The following THSD7B variants were observed in gnomAD, a reference collection of about 807,000 sequenced individuals.
The protein encoded by THSD7B is thrombospondin type 1 domain containing 7B, also known as thrombospondin type-1 domain-containing protein 7B.
THSD7B carries 138 observed loss-of-function variants against 213.6 expected under a neutral mutation model. That is an observed-to-expected ratio of 0.65 (90% CI 0.56 to 0.74). The LOEUF (loss-of-function observed/expected upper bound fraction) is 0.74, where lower values mean the gene tolerates loss of function less well. Among genes scored for constraint, THSD7B ranks in the 30% least tolerant of loss-of-function variants. THSD7B has a pLI of 0.00. For missense variants in THSD7B, 1,931 were observed against 1,991.5 expected (o/e 0.97, Z 0.58); for synonymous variants, 742 against 687.0 (o/e 1.08, Z -1.25).
chr2:136,772,671 C>T (rs1162289839), intron 1 of THSD7B, among the ~76,000 whole-genome samples: 1 of 152,026 alleles, frequency 6.6e-6, no homozygotes, highest in African/African-American at 2.4e-5. Flanking sequence ...CTGGGTCACT[C>T]TTGTGATTTG....
At chr2:137,030,508 C>T (rs1417929335) in intron 2 of THSD7B, among the ~76,000 whole-genome samples, 1 of 152,070 alleles carries the variant, frequency 6.6e-6, no homozygotes, top group Non-Finnish European at 1.5e-5. Flanking sequence ...TGCCAGGTAC[C>T]AGCTGCCCAC....
At chr2:136,776,608 C>T (rs1029080755) in intron 1 of THSD7B, among the ~76,000 whole-genome samples, 17 of 152,092 alleles carry the variant, frequency 1.1e-4, no homozygotes, top group African/African-American at 4.1e-4. Flanking sequence ...TACACAGGGA[C>T]AGAATTATCC....
At chr2:137,218,232 T>C (rs7570464) in intron 7 of THSD7B, among the ~76,000 whole-genome samples, 90,622 of 151,824 alleles carry the variant, frequency 0.6, 27,462 homozygotes, top group South Asian at 0.71. Context: ...TTCAAATGTC[T>C]GTATTCTTCA....
chr2:137,672,124 G>A (rs959573128), intron 27 of THSD7B, among the ~76,000 whole-genome samples: 7 of 151,928 alleles, frequency 4.6e-5, no homozygotes, highest in African/African-American at 1.7e-4. Flanking sequence ...AAATGTATTA[G>A]TATAAACTAA....
In THSD7B at chr2:137,170,954, C is replaced by T. The variant is rs766516036; in HGVS notation, c.1723+16C>T. On this transcript the variant is annotated intron_variant, in intron 7 of 27. Coordinates refer to ENST00000409968, the MANE Select transcript of THSD7B (RefSeq NM_001316349.2). ...AATGACCGCGGTATGACCCAGTGAC[C>T]CACTAGAGGTGTTAGGATGTTAAGT... The T allele has an allele frequency of 1.9e-6, 3 of 1,611,058 alleles. No individual in the cohort carries two copies. The highest frequency in any genetic ancestry group is 2.5e-6 in the Non-Finnish European group (3 of 1,179,262).
intron 2 of THSD7B, among the ~76,000 whole-genome samples, chr2:136,966,848 A>G (rs1006435677): frequency 6.6e-6 from 1 of 152,166 alleles, no homozygotes; most frequent in African/African-American, 2.4e-5. Context: ...ACATGTTCCA[A>G]GATATAGCTC....
At chr2:136,897,950 G>A (rs1379381295) in intron 2 of THSD7B, among the ~76,000 whole-genome samples, 2 of 150,670 alleles carry the variant, frequency 1.3e-5, no homozygotes, top group African/African-American at 2.4e-5. Flanking sequence ...GAGCGCTTGC[G>A]TTTTTACAGA....
intron 2 of THSD7B, among the ~76,000 whole-genome samples, chr2:136,915,927 T>C (rs1285086853): frequency 6.6e-6 from 1 of 152,242 alleles, no homozygotes; most frequent in East Asian, 1.9e-4. Context: ...TTATGTTAAG[T>C]GCCTATACTT....
chr2:137,330,410 G>A (rs1282662366), intron 12 of THSD7B, among the ~76,000 whole-genome samples: 1 of 152,194 alleles, frequency 6.6e-6, no homozygotes, highest in East Asian at 1.9e-4. Context: ...TAATTGGTGG[G>A]TTCTTGGTCT....
chr2:137,304,490 A>T (rs1218825271), intron 12 of THSD7B, among the ~76,000 whole-genome samples: 1 of 152,128 alleles, frequency 6.6e-6, no homozygotes, highest in Non-Finnish European at 1.5e-5. Context: ...TTGAAAGCCA[A>T]ATTTCTATTA....
chr2:136,819,601 G>C (rs569998543), intron 1 of THSD7B, among the ~76,000 whole-genome samples: 1 of 152,252 alleles, frequency 6.6e-6, no homozygotes, highest in East Asian at 1.9e-4. Flanking sequence ...CATGAAACAT[G>C]GGACTTGGGA....
intron 26 of THSD7B, among the ~76,000 whole-genome samples, chr2:137,663,825 AC>A (rs748537086): frequency 6.6e-6 from 1 of 152,188 alleles, no homozygotes. Context: ...GGGTTAAGTA[AC>A]AAAAATAATA....
At chr2:137,661,183 G>C (rs983612525) in intron 25 of THSD7B, among the ~76,000 whole-genome samples, 8 of 152,062 alleles carry the variant, frequency 5.3e-5, no homozygotes, top group African/African-American at 1.9e-4. Context: ...TGGAGGAAGA[G>C]CAGTTATTTT....
At position 137,586,265 on chromosome 2, in the gene THSD7B, C is replaced by T. The variant is rs1436228617; in HGVS notation, c.3423+13709C>T. Among the ~76,000 whole-genome samples, 7 of 152,282 alleles carry T rather than the reference C, an allele frequency of 4.6e-5. No homozygotes were observed. In the East Asian group the frequency reaches 1.2e-3, roughly 25 times the overall value. The stretch of plus-strand genomic sequence containing the variant: ...AGATGGGTCTCCTGAATACAGCACA[C>T]TGATGGGTCTTGACACTTTATCCAA... On this transcript the variant is annotated intron_variant, in intron 17 of 27. Transcript: ENST00000409968.
intron 12 of THSD7B, among the ~76,000 whole-genome samples, chr2:137,362,465 C>G (rs1395123125): frequency 1.3e-5 from 2 of 152,106 alleles, no homozygotes; most frequent in African/African-American, 4.8e-5. Flanking sequence ...CAAGACCCAT[C>G]AGTGCGTTGT....
chr2:137,291,797 G>C (rs142216526), intron 12 of THSD7B, among the ~76,000 whole-genome samples: 15 of 152,158 alleles, frequency 9.9e-5, no homozygotes, highest in African/African-American at 3.6e-4. Flanking sequence ...ATTCTCTGAT[G>C]CCAGGATTAT....
chr2:137,450,221 G>A (rs557215247), intron 14 of THSD7B, among the ~76,000 whole-genome samples: 80 of 152,308 alleles, frequency 5.3e-4, no homozygotes, highest in Admixed American at 1.0e-3. Context: ...GTTGCAAGAA[G>A]TGGGCTGAAG....
chr2:137,072,648 G>A (rs1573803786), intron 3 of THSD7B, among the ~76,000 whole-genome samples: 1 of 152,300 alleles, frequency 6.6e-6, no homozygotes, highest in African/African-American at 2.4e-5. Context: ...GTGTTGAATA[G>A]GAGTGGTGAG....
In THSD7B at chr2:137,656,802, G is replaced by A; in HGVS notation, c.4112G>A (p.Cys1371Tyr). 1 of 1,613,722 alleles carries A rather than the reference G, an allele frequency of 6.2e-7. No individual in the cohort carries two copies. The highest frequency in any genetic ancestry group is 8.5e-7 in the Non-Finnish European group (1 of 1,179,738). ...GTACTGCATGACTGTCCAGGAGACT[G>A]CCATTTAACAGAATGGTCAGAGTGG... ...QLCSVPCPGD[C>Y]HLTEWSEWST... Residue 1371 changes from cysteine (C) to tyrosine (Y), a missense_variant, in exon 23 of 28, where the codon TGC becomes TAC. By Grantham distance (194) the Cys-to-Tyr change is radical. Transcript: ENST00000409968.
Sources: gnomAD v4.1 joint callset for allele counts (sites outside exome capture counted in the v4.1 genomes callset) on GRCh38, gnomAD v4.1.1 for gene constraint, MANE v1.5 for transcripts, NCBI Gene and HGNC (gene_info 2026-07-23, HGNC 2026-07-21) for gene names.